AP2A1: variants seen among roughly 807,000 people sequenced by gnomAD.
AP2A1 encodes AP-2 complex subunit alpha-1.
A neutral mutation model predicts 107.3 loss-of-function variants in AP2A1; 21 were observed. The observed-to-expected ratio is 0.20, with a 90% CI of 0.14 to 0.28. AP2A1 has a LOEUF of 0.28. AP2A1 is among the 10% of genes least tolerant of loss of function. The probability of loss-of-function intolerance (pLI) is 1.00; values close to 1 mark genes in which losing one functional copy is unlikely to be tolerated. For synonymous variants in AP2A1, 602 were observed against 564.8 expected (o/e 1.07, Z -0.93); for missense variants, 873 against 1,307.7 (o/e 0.67, Z 5.13).
chr19:49,804,371 CT>C (rs2073333457), intron 18 of AP2A1: 1 of 152,070 alleles, frequency 6.6e-6, no homozygotes, highest in South Asian at 2.1e-4. Flanking sequence ...GAAACCCCTT[CT>C]CTACTAAAAA....
intron 3 of AP2A1, 42 bp downstream of exon 3, chr19:49,782,131 T>C: frequency 1.2e-6 from 1 of 844,864 alleles, no homozygotes; most frequent in Non-Finnish European, 1.6e-6. Flanking sequence ...GACTCCTGGG[T>C]CTGCGGGGGA....
In AP2A1 at chr19:49,792,049, C is replaced by A; in HGVS notation, c.588C>A (p.Leu196=). The change falls in exon 5 of 23, where the codon CTC becomes CTA. Residue 196 remains leucine, a synonymous_variant. Transcript: ENST00000354293. ...GGACGGCGCGTGTGGTACACCTGCT[C>A]AATGACCAGCACATGGTGAGCCCCC... The part of the protein sequence containing the change: ...GEWTARVVHL[L]NDQHMGVVTA... The A allele has an allele frequency of 6.2e-7, 1 of 1,612,396 alleles. No individual in the cohort carries two copies. Among genetic ancestry groups the A allele is most frequent in the Non-Finnish European group, 8.5e-7 (1 of 1,179,466 alleles).
intron 10 of AP2A1, 24 bp downstream of exon 10, chr19:49,799,790 G>A: frequency 6.2e-7 from 1 of 1,608,074 alleles, no homozygotes; most frequent in Non-Finnish European, 8.5e-7. Flanking sequence ...GGTGCGGGCT[G>A]GACTCTTGGG....
intron 1 of AP2A1, among the ~76,000 whole-genome samples, chr19:49,774,686 G>T (rs1032643384): frequency 1.3e-5 from 2 of 152,228 alleles, no homozygotes; most frequent in Non-Finnish European, 1.5e-5. Context: ...ACTTTGGGAG[G>T]CCGAGGCAGG....
intron 11 of AP2A1, 53 bp downstream of exon 11, chr19:49,800,203 A>G (rs1411447941): frequency 6.5e-7 from 1 of 1,544,270 alleles, no homozygotes; most frequent in Non-Finnish European, 8.8e-7. Context: ...CTAGAGGCAG[A>G]GCAAGGATGG....
At position 49,767,011 on chromosome 19, in the gene AP2A1, C is replaced by CCGCT; in HGVS notation, c.-122_-121insGCTC. On this transcript the variant is annotated 5_prime_UTR_variant, in exon 1 of 23. Coordinates refer to ENST00000354293, the MANE Select transcript of AP2A1 (RefSeq NM_130787.3). Reference sequence around the variant, plus strand: ...CCCGCCCGCCCGCCCGCCAGCCAGCCCTCCCCGCGGCCGGCTCGGCTCCTT... The same window carrying CCGCT: ...CCCGCCCGCCCGCCCGCCAGCCAGCCCGCTCTCCCCGCGGCCGGCTCGGCTCCTT... 9.7e-7 allele frequency: 1 copy of CCGCT among 1,026,004 alleles called. No individual in the cohort carries two copies. Among genetic ancestry groups the CCGCT allele is most frequent in the Non-Finnish European group, 1.3e-6 (1 of 771,248 alleles). The allele number at this position is 1,026,004 out of a possible 1,614,324, so 63.6% of individuals were successfully genotyped here. A position where few individuals can be genotyped will look rare whatever the true frequency, so the allele number is the denominator to read the frequency against.
chr19:49,795,130 G>A (rs1568583756), intron 6 of AP2A1, among the ~76,000 whole-genome samples: 2 of 152,220 alleles, frequency 1.3e-5, no homozygotes, highest in Admixed American at 6.5e-5. Context: ...GAGCCGGTGC[G>A]CTGTGTGCTC....
chr19:49,791,995 C>T lies in AP2A1; in HGVS notation c.534C>T (p.Ala178=), dbSNP rs534627681. The change falls in exon 5 of 23, where the codon GCC becomes GCT. Residue 178 remains alanine (A), a synonymous_variant. Transcript: ENST00000354293. ...AALCLLRLYK[A]SPDLVPMGEW... is the part of the protein sequence containing the mutation. Reference sequence around the variant, plus strand: ...TGTGCCTCCTTCGACTGTACAAGGCCTCGCCTGACCTGGTGCCCATGGGCG... The same window carrying T: ...TGTGCCTCCTTCGACTGTACAAGGCTTCGCCTGACCTGGTGCCCATGGGCG... The T allele has an allele frequency of 5.2e-5, 84 of 1,612,862 alleles. 1 individual carries two copies. In the East Asian group the frequency reaches 1.6e-3, roughly 31 times the overall value.
intron 1 of AP2A1, among the ~76,000 whole-genome samples, chr19:49,772,466 C>T (rs1256877980): frequency 6.7e-6 from 1 of 148,490 alleles, no homozygotes; most frequent in African/African-American, 2.5e-5. Context: ...GAGTGAGGCT[C>T]AGTGCCTGGC....
intron 5 of AP2A1, among the ~76,000 whole-genome samples, chr19:49,792,568 T>A (rs1358073652): frequency 6.6e-6 from 1 of 151,474 alleles, no homozygotes; most frequent in Non-Finnish European, 1.5e-5. Flanking sequence ...TGGCCAGGGA[T>A]CCTGTCCAGT....
chr19:49,768,034 A>G (rs1009682220), intron 1 of AP2A1, among the ~76,000 whole-genome samples: 1 of 151,980 alleles, frequency 6.6e-6, no homozygotes, highest in Non-Finnish European at 1.5e-5. Flanking sequence ...GGGTAGAAGA[A>G]GGAGCGCCCA....
Position 49,790,356 on chromosome 19 carries a change from G to A in AP2A1, c.474-1579G>A, listed in dbSNP as rs1420655605. Reference sequence around the variant, plus strand: ...TATAAGGACCCTGTGATGACATTGGGTCCACCTGGATCACCCAGGATCCTC... The same window carrying A: ...TATAAGGACCCTGTGATGACATTGGATCCACCTGGATCACCCAGGATCCTC... On this transcript the variant is annotated intron_variant, in intron 4 of 22. Transcript: ENST00000354293. Among the ~76,000 whole-genome samples, 4 of 152,070 alleles carry A rather than the reference G, an allele frequency of 2.6e-5. No individual in the cohort carries two copies. The East Asian group carries it at 7.7e-4, about 29-fold the overall frequency.
chr19:49,801,657 A>G lies in AP2A1; in HGVS notation c.1785+36A>G, dbSNP rs757472140. On this transcript the variant is annotated intron_variant, in intron 13 of 22. Transcript: ENST00000354293. The stretch of plus-strand genomic sequence containing the variant: ...TGTCCCCCCACCCCACCCCTCTTGC[A>G]CACCCCCTTCCCGCCCTCCCCTCCT... 4 of 639,530 alleles carry G rather than the reference A, an allele frequency of 6.3e-6. No individual in the cohort carries two copies. The African/African-American group carries it at 1.3e-4, about 21-fold the overall frequency. 39.6% of individuals were successfully genotyped at this position (639,530 alleles called of 1,614,324 possible).
chr19:49,780,280 C>T (rs2084660497), intron 1 of AP2A1, among the ~76,000 whole-genome samples: 2 of 152,200 alleles, frequency 1.3e-5, no homozygotes, highest in African/African-American at 4.8e-5. Context: ...TGAAAAATAA[C>T]TCTTTAAGCA....
rs1359156012 is a variant in AP2A1 at position 49,788,479 on chromosome 19, G to A, written c.474-3456G>A. On this transcript the variant is annotated intron_variant, in intron 4 of 22. Coordinates refer to ENST00000354293, the MANE Select transcript of AP2A1 (RefSeq NM_130787.3). The surrounding 1 kb of genome is among the most constrained non-coding windows in gnomAD (Gnocchi z 4.5). ...CACTTAGAGCAGAGTTTGGCCCAGA[G>A]TCAGGACTCGGGAGATGCGCTGTGG... is the stretch of plus-strand genomic sequence containing the variant. Among the ~76,000 whole-genome samples, 1 of 152,186 alleles carries A rather than the reference G, an allele frequency of 6.6e-6. No individual in the cohort carries two copies. Among genetic ancestry groups the A allele is most frequent in the Non-Finnish European group, 1.5e-5 (1 of 68,024 alleles).
rs1208076491 is a variant in AP2A1, at chr19:49,802,712, C to A, written c.2115-237C>A. On this transcript the variant is annotated intron_variant, in intron 15 of 22. Coordinates refer to ENST00000354293, the MANE Select transcript of AP2A1 (RefSeq NM_130787.3). The stretch of plus-strand genomic sequence containing the variant: ...ACGGGTTCCTGATGAGCAGCAGAGG[C>A]AGGGACTTGGAGGAAAGGGAAACTT... 7 of 1,180,602 alleles carry A rather than the reference C, an allele frequency of 5.9e-6. No individual in the cohort carries two copies. In the African/African-American group the frequency reaches 9.3e-5, roughly 16 times the overall value. 73.1% of individuals were successfully genotyped at this position (1,180,602 alleles called of 1,614,324 possible). A position where few individuals can be genotyped will look rare whatever the true frequency, so the allele number is the denominator to read the frequency against.
At position 49,801,906 on chromosome 19, in the gene AP2A1, G is replaced by C. The variant is rs1470872118; in HGVS notation, c.1953+17G>C. The C allele has an allele frequency of 2.7e-6, 4 of 1,465,820 alleles. No homozygotes were observed. In the African/African-American group the frequency reaches 4.3e-5, roughly 16 times the overall value. 90.8% of individuals were successfully genotyped at this position (1,465,820 alleles called of 1,614,324 possible). A position where few individuals can be genotyped will look rare whatever the true frequency, so the allele number is the denominator to read the frequency against. On this transcript the variant is annotated intron_variant, in intron 14 of 22. Coordinates refer to ENST00000354293, the MANE Select transcript of AP2A1 (RefSeq NM_130787.3). ...AGCACTGTGGTGAGTCCCCTGGGGT[G>C]GGCCCTGCCAGGGTGCCTGGGGCTG... is the stretch of plus-strand genomic sequence containing the variant.
At chr19:49,783,666 CG>C (rs1170979765) in intron 4 of AP2A1, among the ~76,000 whole-genome samples, 17 of 152,328 alleles carry the variant, frequency 1.1e-4, no homozygotes, top group Admixed American at 9.8e-4. Context: ...AGATGAGCCG[CG>C]TGCTGGAGCC....
At position 49,801,814 on chromosome 19, in the gene AP2A1, C is replaced by A; in HGVS notation, c.1878C>A (p.Ser626Arg). The A allele has an allele frequency of 2.6e-6, 4 of 1,537,774 alleles. No individual in the cohort carries two copies. The highest frequency in any genetic ancestry group is 1.2e-5 in the South Asian group (1 of 80,402). The change falls in exon 14 of 23, where the codon AGC becomes AGA. Residue 626 changes from serine (S) to arginine (R), a missense_variant. Physicochemically the swap from Ser to Arg is moderately radical, Grantham distance 110 (BLOSUM62 -1). This residue lies in a region of AP2A1 where 416 missense variants were observed against 473.4 expected (regional missense o/e 0.88). Coordinates refer to ENST00000354293, the MANE Select transcript of AP2A1 (RefSeq NM_130787.3). ...GCAAGAAGGGGCCAGGGGCCGGCAG[C>A]GCCCTGGACGATGGCCGGAGGGACC... ...LKRKKGPGAG[S>R]ALDDGRRDPS...
Sources: gnomAD v4.1 joint callset for allele counts (sites outside exome capture counted in the v4.1 genomes callset) on GRCh38, gnomAD v4.1.1 for gene constraint, gnomAD v4.1.1 regional missense constraint, Gnocchi (gnomAD v3.1) non-coding constraint, MANE v1.5 for transcripts, NCBI Gene and HGNC (gene_info 2026-07-23, HGNC 2026-07-21) for gene names.